MDGA2: variants seen among roughly 807,000 people sequenced by gnomAD.
The protein encoded by MDGA2 is MAM domain containing glycosylphosphatidylinositol anchor 2.
In MDGA2, 40 loss-of-function variants were observed where a neutral mutation model predicts 117.8. The ratio of observed to expected loss-of-function variants is 0.34; its 90% CI spans 0.26 to 0.44. MDGA2 has a LOEUF of 0.44. Ranked by LOEUF, MDGA2 falls within the 20% of genes least tolerant of loss-of-function variation. The pLI is 1.00. For missense variants in MDGA2, 1,123 were observed against 1,250.6 expected, an observed-to-expected ratio of 0.90 and a Z score of 1.54; for synonymous variants, 452 against 439.0, an observed-to-expected ratio of 1.03 and a Z score of -0.37.
intron 1 of MDGA2, among the ~76,000 whole-genome samples, chr14:47,648,938 A>G (rs1897586974): frequency 6.6e-6 from 1 of 152,164 alleles, no homozygotes; most frequent in Admixed American, 6.6e-5. Flanking sequence ...AATTATATTA[A>G]CATCAATTGT....
chr14:47,116,433 C>G (rs1366379070), intron 5 of MDGA2, among the ~76,000 whole-genome samples: 1 of 151,868 alleles, frequency 6.6e-6, no homozygotes, highest in African/African-American at 2.4e-5. Context: ...TATGGAACCA[C>G]AAAAACCACA....
intron 9 of MDGA2, among the ~76,000 whole-genome samples, chr14:46,939,122 GAGA>G (rs1884900926): frequency 6.6e-6 from 1 of 152,130 alleles, no homozygotes; most frequent in African/African-American, 2.4e-5. Context: ...GGGGGTAGTT[GAGA>G]AGGAGAGAAT....
intron 2 of MDGA2, among the ~76,000 whole-genome samples, chr14:47,268,387 T>A (rs939825949): frequency 2.0e-5 from 3 of 152,116 alleles, no homozygotes; most frequent in Non-Finnish European, 2.9e-5. Context: ...TATTTCCTTT[T>A]TATATACAGG....
At chr14:46,961,257 C>G (rs1225479047) in intron 8 of MDGA2, among the ~76,000 whole-genome samples, 2 of 152,102 alleles carry the variant, frequency 1.3e-5, no homozygotes, top group African/African-American at 4.8e-5. Flanking sequence ...TGTCTTTCAT[C>G]TGAGGTAATT....
chr14:47,064,843 T>A (rs963233602), intron 6 of MDGA2, among the ~76,000 whole-genome samples: 14 of 152,124 alleles, frequency 9.2e-5, no homozygotes, highest in African/African-American at 3.4e-4. Flanking sequence ...GTAATGTTAA[T>A]TTAAAGTCAT....
chr14:47,105,005 C>T (rs979494171), intron 5 of MDGA2, among the ~76,000 whole-genome samples: 14 of 152,152 alleles, frequency 9.2e-5, no homozygotes, highest in African/African-American at 2.7e-4. Flanking sequence ...ACTCCGGCAC[C>T]GGTCACGGAC....
intron 5 of MDGA2, among the ~76,000 whole-genome samples, chr14:47,108,383 C>G (rs1188034898): frequency 2.0e-5 from 3 of 152,186 alleles, no homozygotes; most frequent in Non-Finnish European, 4.4e-5. Flanking sequence ...CCCAGATGGC[C>G]TGAAGTAACT....
chr14:47,601,179 C>G (rs1896641673), intron 1 of MDGA2, among the ~76,000 whole-genome samples: 1 of 152,094 alleles, frequency 6.6e-6, no homozygotes, highest in Non-Finnish European at 1.5e-5. Context: ...AAATACTAGT[C>G]AGGGCCATCA....
intron 14 of MDGA2, chr14:46,871,785 G>C (rs554357375): frequency 4.9e-6 from 1 of 205,954 alleles, no homozygotes; most frequent in Non-Finnish European, 1.1e-5. Context: ...AAGTATTACA[G>C]TGATGAAGTG....
chr14:47,342,663 C>T (rs779535715), intron 1 of MDGA2, among the ~76,000 whole-genome samples: 2 of 152,048 alleles, frequency 1.3e-5, no homozygotes, highest in Non-Finnish European at 2.9e-5. Context: ...AATGCGTAGT[C>T]TTGTGAAGAT....
chr14:47,389,848 A>C (rs1009419498), intron 1 of MDGA2, among the ~76,000 whole-genome samples: 1 of 152,224 alleles, frequency 6.6e-6, no homozygotes, highest in Admixed American at 6.5e-5. Flanking sequence ...AAATACATAC[A>C]AACAACATTT....
intron 1 of MDGA2, among the ~76,000 whole-genome samples, chr14:47,588,012 T>G (rs10135322): frequency 0.78 from 118,319 of 151,274 alleles, 46,594 homozygotes; most frequent in East Asian, 1. Flanking sequence ...TTCACTTAAC[T>G]TGTTTTCAAG....
At chr14:47,245,641 C>T (rs989001072) in intron 2 of MDGA2, among the ~76,000 whole-genome samples, 3 of 151,714 alleles carry the variant, frequency 2.0e-5, no homozygotes, top group African/African-American at 7.3e-5. Flanking sequence ...TCAAGACATA[C>T]TTTAAGTGAA....
intron 10 of MDGA2, among the ~76,000 whole-genome samples, chr14:46,896,430 T>C (rs1883079398): frequency 6.6e-6 from 1 of 152,136 alleles, no homozygotes; most frequent in African/African-American, 2.4e-5. Context: ...CTCATAGAAA[T>C]TGTACAACAT....
intron 3 of MDGA2, among the ~76,000 whole-genome samples, chr14:47,173,754 T>C (rs966255490): frequency 6.6e-6 from 1 of 151,926 alleles, no homozygotes; most frequent in Non-Finnish European, 1.5e-5. Flanking sequence ...ACGAGCAAAA[T>C]AACCAGCTAA....
chr14:47,225,839 T>C (rs1886474607), intron 2 of MDGA2, among the ~76,000 whole-genome samples: 1 of 151,820 alleles, frequency 6.6e-6, no homozygotes, highest in Admixed American at 6.6e-5. Flanking sequence ...AAACCATTTC[T>C]CTACTCAATG....
At chr14:47,065,893 T>C (rs181708857) in intron 6 of MDGA2, among the ~76,000 whole-genome samples, 36 of 152,302 alleles carry the variant, frequency 2.4e-4, no homozygotes, top group African/African-American at 7.9e-4. Flanking sequence ...GGTTGTAGGA[T>C]TCTGGACAAC....
At chr14:46,944,061 C>A (rs1364545113) in intron 9 of MDGA2, among the ~76,000 whole-genome samples, 2 of 151,648 alleles carry the variant, frequency 1.3e-5, no homozygotes, top group East Asian at 3.9e-4. Flanking sequence ...TTTACTATAC[C>A]TAATCCTCTT....
intron 10 of MDGA2, among the ~76,000 whole-genome samples, chr14:46,883,063 A>C (rs1595018750): frequency 6.6e-6 from 1 of 152,100 alleles, no homozygotes; most frequent in Non-Finnish European, 1.5e-5. Context: ...AAGAATTCTA[A>C]TCTTTTACAA....
Sources: gnomAD v4.1 joint callset for allele counts (sites outside exome capture counted in the v4.1 genomes callset) on GRCh38, gnomAD v4.1.1 for gene constraint, MANE v1.5 for transcripts, NCBI Gene and HGNC (gene_info 2026-07-23, HGNC 2026-07-21) for gene names.